The following RSU1 variants were observed in gnomAD, a reference collection of about 807,000 sequenced individuals.
The protein encoded by RSU1 is Ras suppressor protein 1, also known as rsu-1.
A neutral mutation model predicts 31.1 loss-of-function variants in RSU1; 26 were observed. That is an observed-to-expected ratio of 0.84 (90% CI 0.61 to 1.16). The LOEUF is 1.16. Ranked by LOEUF, RSU1 falls within the 50% of genes most tolerant of loss-of-function variation. The pLI is 0.00. For synonymous variants in RSU1, 164 were observed against 136.3 expected (o/e 1.20, Z -1.41); for missense variants, 320 against 339.1 (o/e 0.94, Z 0.44).
intron 2 of RSU1, among the ~76,000 whole-genome samples, chr10:16,804,228 CAT>C (rs1272385957): frequency 6.6e-6 from 1 of 152,156 alleles, no homozygotes; most frequent in African/African-American, 2.4e-5. Context: ...TGCTCGGCAT[CAT>C]ATGTCATTAA....
intron 2 of RSU1, among the ~76,000 whole-genome samples, chr10:16,783,897 T>C (rs1384900699): frequency 2.0e-5 from 3 of 152,148 alleles, no homozygotes; most frequent in African/African-American, 7.2e-5. Flanking sequence ...CCCATTCAAG[T>C]TTCTCCAAAT....
chr10:16,600,652 G>A (rs116832364), intron 8 of RSU1, among the ~76,000 whole-genome samples: 3 of 151,136 alleles, frequency 2.0e-5, no homozygotes, highest in Admixed American at 6.6e-5. Flanking sequence ...AGCATTGACC[G>A]CTGTGCTCAA....
chr10:16,659,918 C>A (rs972968006), intron 8 of RSU1, among the ~76,000 whole-genome samples: 12 of 152,268 alleles, frequency 7.9e-5, no homozygotes, highest in Middle Eastern at 3.4e-3. Context: ...AATGTTCTAG[C>A]GTTCTGAAAC....
At chr10:16,617,158 T>C (rs942701394) in intron 8 of RSU1, among the ~76,000 whole-genome samples, 3 of 152,206 alleles carry the variant, frequency 2.0e-5, no homozygotes, top group African/African-American at 7.2e-5. Flanking sequence ...AAAATCAATG[T>C]GCAAAAATCA....
chr10:16,777,694 A>G (rs534948566), intron 3 of RSU1, among the ~76,000 whole-genome samples: 2 of 152,342 alleles, frequency 1.3e-5, no homozygotes, highest in East Asian at 3.9e-4. Flanking sequence ...AACAAGTAGG[A>G]AAGCATTTAC....
intron 8 of RSU1, among the ~76,000 whole-genome samples, chr10:16,601,989 C>T (rs530612005): frequency 8.5e-5 from 13 of 152,274 alleles, no homozygotes; most frequent in African/African-American, 2.9e-4. Flanking sequence ...GAAAAAATGG[C>T]TCACTCAATC....
intron 8 of RSU1, among the ~76,000 whole-genome samples, chr10:16,642,238 T>C (rs966358277): frequency 6.6e-6 from 1 of 151,648 alleles, no homozygotes; most frequent in Non-Finnish European, 1.5e-5. Flanking sequence ...GGCAGGCAGG[T>C]AGGGAGGAGG....
intron 7 of RSU1, among the ~76,000 whole-genome samples, chr10:16,705,714 T>C (rs1835885339): frequency 6.6e-6 from 1 of 152,214 alleles, no homozygotes; most frequent in African/African-American, 2.4e-5. Context: ...GGTCTTGAAC[T>C]CCTGACCTCA....
Position 16,664,647 on chromosome 10 carries a change from C to T in RSU1, c.731+30376G>A, listed in dbSNP as rs997990278. Among the ~76,000 whole-genome samples the T allele has an allele frequency of 7.9e-5, 12 of 152,148 alleles. No individual in the cohort carries two copies. In the South Asian group the frequency reaches 2.5e-3, roughly 32 times the overall value. On this transcript the variant is annotated intron_variant, in intron 8 of 8. Transcript: ENST00000345264. Reference sequence around the variant, plus strand: ...GACCTATGGGAACTACACTTTTTACCTACGCAAAGAGAGGTCATTAAACTA... The same window carrying T: ...GACCTATGGGAACTACACTTTTTACTTACGCAAAGAGAGGTCATTAAACTA...
At chr10:16,609,751 A>G (rs1028792045) in intron 8 of RSU1, among the ~76,000 whole-genome samples, 1 of 152,192 alleles carries the variant, frequency 6.6e-6, no homozygotes, top group African/African-American at 2.4e-5. Context: ...CATCCAACAT[A>G]TCTCCCCAAA....
At chr10:16,667,598 G>A (rs770430162) in intron 8 of RSU1, among the ~76,000 whole-genome samples, 4 of 151,262 alleles carry the variant, frequency 2.6e-5, no homozygotes, top group African/African-American at 4.9e-5. Flanking sequence ...AGTGATTCTC[G>A]TGCCTCAGCC....
intron 8 of RSU1, among the ~76,000 whole-genome samples, chr10:16,673,271 C>T (rs1386282331): frequency 6.6e-6 from 1 of 152,204 alleles, no homozygotes; most frequent in African/African-American, 2.4e-5. Context: ...TGTGGAGTCC[C>T]TGTTTCTCTT....
intron 7 of RSU1, among the ~76,000 whole-genome samples, chr10:16,736,020 G>C (rs7912594): frequency 6.6e-6 from 1 of 152,084 alleles, no homozygotes; most frequent in Non-Finnish European, 1.5e-5. Flanking sequence ...TGCAAGAGTG[G>C]ATCAAACAAT....
At chr10:16,658,595 G>A (rs1834831646) in intron 8 of RSU1, among the ~76,000 whole-genome samples, 1 of 151,946 alleles carries the variant, frequency 6.6e-6, no homozygotes, top group South Asian at 2.1e-4. Flanking sequence ...GTGGTGGCAG[G>A]CACCTGTAAT....
At chr10:16,629,305 G>A (rs149738026) in intron 8 of RSU1, among the ~76,000 whole-genome samples, 3 of 152,010 alleles carry the variant, frequency 2.0e-5, no homozygotes, top group African/African-American at 4.8e-5. Context: ...CTGCTGAACC[G>A]GCCCCTACCC....
rs765283668 is a variant in RSU1 at position 16,695,036 on chromosome 10, C to T, written c.718G>A (p.Glu240Lys). The stretch of plus-strand genomic sequence containing the variant: ...GAGTCTACTTACTATTTGTATGTCT[C>T]AGAACGGATATACTCAAAAACATGG... ...VSHVFEYIRS[E>K]TYKYLYGRHM... The change falls in exon 8 of 9, where the codon GAG becomes AAG. Residue 240 changes from glutamate to lysine, a missense_variant. Coordinates refer to ENST00000345264, the MANE Select transcript of RSU1 (RefSeq NM_012425.4). The T allele has an allele frequency of 3.1e-6, 5 of 1,612,810 alleles. No individual in the cohort carries two copies. In the Admixed American group the frequency reaches 8.4e-5, roughly 27 times the overall value.
intron 8 of RSU1, among the ~76,000 whole-genome samples, chr10:16,594,405 T>G: frequency 6.7e-6 from 1 of 149,240 alleles, no homozygotes. Flanking sequence ...TATACTGGCG[T>G]CCGGCATTTT....
intron 8 of RSU1, among the ~76,000 whole-genome samples, chr10:16,661,654 G>A (rs952163347): frequency 2.0e-5 from 3 of 152,138 alleles, no homozygotes; most frequent in African/African-American, 7.2e-5. Flanking sequence ...TCCTTTCTTG[G>A]TAGGCTAATT....
chr10:16,794,164 T>C (rs1477862323), intron 2 of RSU1, among the ~76,000 whole-genome samples: 1 of 152,150 alleles, frequency 6.6e-6, no homozygotes, highest in Non-Finnish European at 1.5e-5. Context: ...CTAAATTACA[T>C]TACCAACTGT....
Sources: gnomAD v4.1 joint callset for allele counts (sites outside exome capture counted in the v4.1 genomes callset) on GRCh38, gnomAD v4.1.1 for gene constraint, MANE v1.5 for transcripts, NCBI Gene and HGNC (gene_info 2026-07-23, HGNC 2026-07-21) for gene names.